LRRK1: variants seen among roughly 807,000 people sequenced by gnomAD.
The protein encoded by LRRK1 is leucine-rich repeat serine/threonine-protein kinase 1.
Under a neutral mutation model 209.1 loss-of-function variants are expected in LRRK1, and 113 were observed. That is an observed-to-expected ratio of 0.54 (90% CI 0.46 to 0.63). The LOEUF (loss-of-function observed/expected upper bound fraction) is 0.63. Ranked by LOEUF, LRRK1 falls within the 30% of genes least tolerant of loss-of-function variation. LRRK1 has a pLI of 0.00. For synonymous variants in LRRK1, 1,144 were observed against 1,099.7 expected (o/e 1.04, Z -0.80); for missense variants, 2,284 against 2,632.2 (o/e 0.87, Z 2.89).
At chr15:101,021,674 G>C in intron 13 of LRRK1, 171 bp from the exon 14 acceptor site, 2 of 575,136 alleles carry the variant, frequency 3.5e-6, no homozygotes, top group South Asian at 4.4e-5. Flanking sequence ...TTCTATCACT[G>C]ATCCTCCAGG....
At chr15:100,922,163 A>C (rs1479002961) in intron 1 of LRRK1, among the ~76,000 whole-genome samples, 1 of 152,240 alleles carries the variant, frequency 6.6e-6, no homozygotes, top group Non-Finnish European at 1.5e-5. Flanking sequence ...GTGTATAATG[A>C]AGACATGTAA....
rs1291933203 is a variant in LRRK1 at position 101,072,641 on chromosome 15, G to T, written c.*3793G>T. The T allele has an allele frequency of 1.3e-5, 2 of 155,046 alleles. No homozygotes were observed. Among genetic ancestry groups the T allele is most frequent in the African/African-American group, 4.8e-5 (2 of 41,466 alleles). The allele number at this position is 155,046 out of a possible 1,614,324, so 9.6% of individuals were successfully genotyped here. ...TTCCACCACAAAAGAAGTGAAAAAG[G>T]CCGGTCCTTGACTTAACTGATGACA... On this transcript the variant is annotated 3_prime_UTR_variant, in exon 34 of 34. Transcript: ENST00000388948.
At chr15:101,057,851 A>G in intron 28 of LRRK1, 139 bp from the exon 29 acceptor site, 1 of 937,452 alleles carries the variant, frequency 1.1e-6, no homozygotes, top group Non-Finnish European at 1.6e-6. Context: ...AAGCTGTTTC[A>G]GCCTCTTGTT....
chr15:101,051,300 A>G (rs1248350668), intron 23 of LRRK1, among the ~76,000 whole-genome samples: 2 of 152,232 alleles, frequency 1.3e-5, no homozygotes, highest in Non-Finnish European at 2.9e-5. Context: ...CCCTTCATGG[A>G]CATTGTAAAC....
chr15:101,001,266 C>G (rs1345944902), intron 6 of LRRK1, among the ~76,000 whole-genome samples: 1 of 152,072 alleles, frequency 6.6e-6, no homozygotes, highest in East Asian at 1.9e-4. Context: ...AACCTGTAGC[C>G]TTGAAATTTA....
At chr15:101,064,367 C>G (rs2036393612) in intron 31 of LRRK1, 1 of 153,366 alleles carries the variant, frequency 6.5e-6, no homozygotes, top group South Asian at 2.1e-4. Flanking sequence ...GCTCCCTGCT[C>G]TGCCCTGACT....
intron 29 of LRRK1, among the ~76,000 whole-genome samples, chr15:101,059,621 A>AAAGAGATGTAAAGTCGGGT (rs2036038096): frequency 6.8e-6 from 1 of 147,934 alleles, no homozygotes; most frequent in Non-Finnish European, 1.5e-5. Context: ...GCTAAAGGGG[A>AAAGAGATGTAAAGTCGGGT]AAGAGATGTA....
intron 9 of LRRK1, among the ~76,000 whole-genome samples, chr15:101,011,425 G>C (rs1466263501): frequency 6.7e-6 from 1 of 149,050 alleles, no homozygotes; most frequent in Non-Finnish European, 1.5e-5. Context: ...GCAGTGAGCC[G>C]AGATTGCACC....
rs1339354347 is a variant in LRRK1, at chr15:101,022,027, T to C, written c.1852+70T>C. ...GACAACTCCAGTCCACTTGTTAAGT[T>C]CTGGGGGTGGAGACAGTTGGTGACC... On this transcript the variant is annotated intron_variant, in intron 14 of 33. Coordinates refer to ENST00000388948, the MANE Select transcript of LRRK1 (RefSeq NM_024652.6). This position sits in a 1 kb window ranked among gnomAD's most constrained non-coding sequence, Gnocchi z 4.0. 4.4e-6 allele frequency: 5 copies of C among 1,129,086 alleles called. No homozygotes were observed. Among genetic ancestry groups the C allele is most frequent in the Non-Finnish European group, 6.5e-6 (5 of 767,430 alleles). The allele number at this position is 1,129,086 out of a possible 1,614,324, so 69.9% of individuals were successfully genotyped here.
intron 3 of LRRK1, among the ~76,000 whole-genome samples, chr15:100,979,747 C>T (rs747706907): frequency 6.6e-6 from 1 of 152,028 alleles, no homozygotes; most frequent in Non-Finnish European, 1.5e-5. Flanking sequence ...AGCAAACAAT[C>T]CAAATAGAAA....
At chr15:101,003,076 C>T (rs1201353079) in intron 6 of LRRK1, among the ~76,000 whole-genome samples, 2 of 152,200 alleles carry the variant, frequency 1.3e-5, no homozygotes, top group Non-Finnish European at 2.9e-5. Context: ...TTTCTCTCTG[C>T]CACTTTGTGG....
At chr15:101,042,287 TTTC>T (rs1167431942) in intron 20 of LRRK1, among the ~76,000 whole-genome samples, 1 of 150,852 alleles carries the variant, frequency 6.6e-6, no homozygotes, top group East Asian at 2.0e-4. Context: ...GCTGGATAAT[TTTC>T]TTCGATGTAG....
intron 20 of LRRK1, among the ~76,000 whole-genome samples, chr15:101,040,232 A>G (rs545422989): frequency 6.6e-6 from 1 of 152,080 alleles, no homozygotes; most frequent in Non-Finnish European, 1.5e-5. Flanking sequence ...TTTATTAGCT[A>G]TAGGGTTATT....
intron 26 of LRRK1, 107 bp downstream of exon 26, chr15:101,053,527 C>A: frequency 1.0e-6 from 1 of 967,434 alleles, no homozygotes; most frequent in Non-Finnish European, 1.5e-6. Context: ...AAGCCCAGGG[C>A]ACGCCCAACC....
At chr15:100,954,439 C>T (rs1391082141) in intron 2 of LRRK1, among the ~76,000 whole-genome samples, 1 of 152,124 alleles carries the variant, frequency 6.6e-6, no homozygotes, top group African/African-American at 2.4e-5. Context: ...TATTTTCTCT[C>T]ATTCCATAGG....
At chr15:101,012,194 T>A in intron 10 of LRRK1, 49 bp downstream of exon 10, 1 of 1,469,340 alleles carries the variant, frequency 6.8e-7, no homozygotes, top group Non-Finnish European at 9.3e-7. Flanking sequence ...TGAGAGAAAA[T>A]TGCTCCGTGT....
intron 6 of LRRK1, among the ~76,000 whole-genome samples, chr15:100,994,299 A>T (rs1000073821): frequency 1.3e-5 from 2 of 152,220 alleles, no homozygotes; most frequent in African/African-American, 4.8e-5. Context: ...TAGACGAATG[A>T]TTCTCTGCAC....
intron 2 of LRRK1, among the ~76,000 whole-genome samples, chr15:100,929,101 T>C (rs1187201012): frequency 6.6e-6 from 1 of 152,212 alleles, no homozygotes; most frequent in Non-Finnish European, 1.5e-5. Context: ...CTTCTGAGTA[T>C]GTCTGACACC....
Position 101,066,124 on chromosome 15 carries a change from C to T in LRRK1, c.5687C>T (p.Thr1896Ile), listed in dbSNP as rs1484972583. The T allele has an allele frequency of 1.9e-6, 3 of 1,614,064 alleles. No homozygotes were observed. Among genetic ancestry groups the T allele is most frequent in the East Asian group, 4.5e-5 (2 of 44,884 alleles). Reference protein sequence around the residue: ...AASDRSEHDLTPMDGETFSQH... With the variant: ...AASDRSEHDLIPMDGETFSQH... Reference sequence around the variant, plus strand: ...TCCGACAGGTCTGAGCATGACCTGACCCCCATGGACGGGGAGACCTTCAGC... The same window carrying T: ...TCCGACAGGTCTGAGCATGACCTGATCCCCATGGACGGGGAGACCTTCAGC... The change falls in exon 32 of 34, where the codon ACC becomes ATC. Residue 1896 changes from threonine (T) to isoleucine (I), a missense_variant. Physicochemically the swap from Thr to Ile is moderately conservative, Grantham distance 89. Coordinates refer to ENST00000388948, the MANE Select transcript of LRRK1 (RefSeq NM_024652.6).
Sources: allele counts gnomAD v4.1 joint callset (sites outside exome capture counted in the v4.1 genomes callset), GRCh38; gene constraint gnomAD v4.1.1; non-coding constraint Gnocchi (gnomAD v3.1); transcripts MANE v1.5; gene names NCBI Gene and HGNC (gene_info 2026-07-23, HGNC 2026-07-21).